Variants in RGS6 observed in about 807,000 individuals in gnomAD.
RGS6 encodes regulator of G protein signaling 6.
RGS6 carries 30 observed loss-of-function variants against 78.5 expected under a neutral mutation model. The ratio of observed to expected loss-of-function variants is 0.38; its 90% CI spans 0.29 to 0.52. The LOEUF (loss-of-function observed/expected upper bound fraction) is 0.52, where lower values mean the gene tolerates loss of function less well. Ranked by LOEUF, RGS6 falls within the 20% of genes least tolerant of loss-of-function variation. The probability of loss-of-function intolerance (pLI) is 0.85; values close to 1 mark genes in which losing one functional copy is unlikely to be tolerated. For synonymous variants in RGS6, 206 were observed against 206.0 expected (o/e 1.00, Z 0.00); for missense variants, 495 against 609.7 (o/e 0.81, Z 1.98).
rs573136941 is a variant in RGS6 at position 72,563,127 on chromosome 14, G to A, written c.*660G>A. The A allele has an allele frequency of 2.3e-4, 65 of 286,288 alleles. No individual in the cohort carries two copies. The highest frequency in any genetic ancestry group is 1.2e-3 in the Middle Eastern group (1 of 852). The allele number at this position is 286,288 out of a possible 1,614,324, so 17.7% of individuals were successfully genotyped here. On this transcript the variant is annotated 3_prime_UTR_variant, in exon 18 of 18. Transcript: ENST00000553525. ...GAGATCAGCGTTCGGAGAGGTCCCC[G>A]CCAGCCCGGTGGCTGCCCTCAGGTC...
chr14:72,406,338 C>T (rs1466988164), intron 3 of RGS6, among the ~76,000 whole-genome samples: 1 of 151,950 alleles, frequency 6.6e-6, no homozygotes, highest in African/African-American at 2.4e-5. Flanking sequence ...GAGATGAGAT[C>T]GTGCCACTGC....
At chr14:72,600,476 T>C in the RGS6 span, among the ~76,000 whole-genome samples, 2 of 152,056 alleles carry the variant, frequency 1.3e-5, no homozygotes, top group Admixed American at 1.3e-4. Context: ...AGGCCTCAGT[T>C]TCCTCTTCTG....
chr14:72,259,290 C>G (rs572068676), intron 2 of RGS6, among the ~76,000 whole-genome samples: 1 of 152,058 alleles, frequency 6.6e-6, no homozygotes, highest in Admixed American at 6.5e-5. Flanking sequence ...AACTATATAT[C>G]AAAATTAATT....
intron 2 of RGS6, among the ~76,000 whole-genome samples, chr14:72,073,026 C>T (rs767061961): frequency 1.8e-4 from 28 of 152,166 alleles, no homozygotes; most frequent in Admixed American, 3.9e-4. Context: ...TTGAAGATTA[C>T]TCGATAGTCA....
At chr14:72,189,709 C>T (rs949187074) in intron 2 of RGS6, among the ~76,000 whole-genome samples, 3 of 152,136 alleles carry the variant, frequency 2.0e-5, no homozygotes, top group Non-Finnish European at 4.4e-5. Flanking sequence ...TCCCCTCATT[C>T]GCTGACTTGG....
At chr14:72,085,052 C>A (rs1336118696) in intron 2 of RGS6, among the ~76,000 whole-genome samples, 1 of 152,068 alleles carries the variant, frequency 6.6e-6, no homozygotes, top group Non-Finnish European at 1.5e-5. Flanking sequence ...TCAGCATGCA[C>A]GTGTGGTAAT....
intron 3 of RGS6, among the ~76,000 whole-genome samples, chr14:72,396,445 C>T (rs562378993): frequency 1.3e-5 from 2 of 152,216 alleles, no homozygotes; most frequent in Admixed American, 1.3e-4. Flanking sequence ...TTAGCCCTAG[C>T]CCTTTGTCAG....
the RGS6 span, among the ~76,000 whole-genome samples, chr14:72,625,830 T>C: frequency 6.6e-6 from 1 of 152,156 alleles, no homozygotes; most frequent in Non-Finnish European, 1.5e-5. Context: ...CTTCCCCCCT[T>C]TATTTGGTTA....
chr14:72,255,883 T>C (rs1230442939), intron 2 of RGS6, among the ~76,000 whole-genome samples: 1 of 152,238 alleles, frequency 6.6e-6, no homozygotes, highest in Admixed American at 6.5e-5. Context: ...ATTGTTCAAA[T>C]ACCCATTTTT....
intron 2 of RGS6, among the ~76,000 whole-genome samples, chr14:72,152,706 T>G (rs528217084): frequency 1.3e-5 from 2 of 152,110 alleles, no homozygotes; most frequent in Non-Finnish European, 2.9e-5. Flanking sequence ...GGGGCATATT[T>G]AGAAGTTATT....
At chr14:72,548,327 T>TTGTGTGTGTGTGTGTG (rs369257899) in intron 17 of RGS6, among the ~76,000 whole-genome samples, 3 of 147,158 alleles carry the variant, frequency 2.0e-5, no homozygotes, top group Non-Finnish European at 4.5e-5. Flanking sequence ...CAGATCATAT[T>TTGTGTGTGTGTGTGTG]TGTGTGTGTG....
At chr14:72,114,845 T>G (rs1247262499) in intron 2 of RGS6, among the ~76,000 whole-genome samples, 1 of 152,168 alleles carries the variant, frequency 6.6e-6, no homozygotes, top group African/African-American at 2.4e-5. Context: ...TTTCACCAAA[T>G]GTCTGAGTGA....
the RGS6 span, among the ~76,000 whole-genome samples, chr14:72,611,931 G>A: frequency 2.0e-5 from 3 of 152,098 alleles, no homozygotes; most frequent in South Asian, 2.1e-4. Flanking sequence ...CTACAATCAC[G>A]ATTGCTTGGC....
chr14:71,966,880 A>G (rs901172852), intron 2 of RGS6, among the ~76,000 whole-genome samples: 4 of 152,042 alleles, frequency 2.6e-5, no homozygotes, highest in Admixed American at 1.3e-4. Context: ...TTTTTTTAAG[A>G]CACAGGAAAA....
intron 2 of RGS6, among the ~76,000 whole-genome samples, chr14:71,982,254 G>A (rs1369248223): frequency 2.0e-5 from 3 of 152,186 alleles, no homozygotes; most frequent in Non-Finnish European, 2.9e-5. Context: ...CTTCTGCGTC[G>A]CTCAGGCTGG....
At chr14:72,027,406 G>T (rs1231327229) in intron 2 of RGS6, among the ~76,000 whole-genome samples, 1 of 152,090 alleles carries the variant, frequency 6.6e-6, no homozygotes, top group Admixed American at 6.6e-5. Flanking sequence ...TTGCAGTTAG[G>T]TTCAAAGATC....
Position 72,243,919 on chromosome 14 carries a change from T to C in RGS6, c.85-108176T>C, listed in dbSNP as rs192056810. Among the ~76,000 whole-genome samples, 104 of 152,344 alleles carry C rather than the reference T, an allele frequency of 6.8e-4. 1 individual carries two copies. The highest frequency in any genetic ancestry group is 4.1e-4 in the South Asian group (2 of 4,830). ...AGCCTGGGAGATCATGGACCAGAAA[T>C]GTTACTCTCCAAAGGTTTGCTAGAG... On this transcript the variant is annotated intron_variant, in intron 2 of 17. Transcript: ENST00000553525.
At chr14:72,297,968 T>A (rs2065215575) in intron 2 of RGS6, among the ~76,000 whole-genome samples, 1 of 152,046 alleles carries the variant, frequency 6.6e-6, no homozygotes, top group Non-Finnish European at 1.5e-5. Context: ...ATCTACCAGG[T>A]TTGCTAATTT....
At chr14:72,227,400 C>T (rs2153803992) in intron 2 of RGS6, among the ~76,000 whole-genome samples, 1 of 152,264 alleles carries the variant, frequency 6.6e-6, no homozygotes, top group Middle Eastern at 3.4e-3. Context: ...CAGGCAAGCA[C>T]CACTGCATGG....
Sources: gnomAD v4.1 joint callset for allele counts (sites outside exome capture counted in the v4.1 genomes callset) on GRCh38, gnomAD v4.1.1 for gene constraint, MANE v1.5 for transcripts, NCBI Gene and HGNC (gene_info 2026-07-23, HGNC 2026-07-21) for gene names.